The following PLOD3 variants were observed in gnomAD, a reference collection of about 807,000 sequenced individuals.
The protein encoded by PLOD3 is multifunctional procollagen lysine hydroxylase and glycosyltransferase LH3.
A neutral mutation model predicts 96.9 loss-of-function variants in PLOD3; 73 were observed. The observed-to-expected ratio is 0.75, with a 90% CI of 0.62 to 0.92. The LOEUF (loss-of-function observed/expected upper bound fraction) is 0.92, where lower values mean the gene tolerates loss of function less well. PLOD3 is among the 40% of genes least tolerant of loss of function. PLOD3 has a pLI of 0.00. For missense variants in PLOD3, 1,004 were observed against 1,004.3 expected (o/e 1.00, Z 0.00); for synonymous variants, 454 against 413.7 (o/e 1.10, Z -1.18).
rs1317735798 is a variant in PLOD3 at position 101,216,492 on chromosome 7, C to T, written c.256G>A (p.Gly86Arg). Residue 86 changes from glycine to arginine, a missense_variant, in exon 3 of 19, where the codon GGA becomes AGA. Transcript: ENST00000223127. ...TTTAACCACCGGACCTTCTGTCCTC[C>T]ACCAACTGTTCGAGCCACATCACCC... The part of the protein sequence containing the change: ...RGGDVARTVG[G>R]GQKVRWLKKE... The T allele has an allele frequency of 6.2e-7, 1 of 1,614,076 alleles. No homozygotes were observed. Among genetic ancestry groups the T allele is most frequent in the Non-Finnish European group, 8.5e-7 (1 of 1,179,968 alleles).
In PLOD3 at chr7:101,210,690, C is replaced by G; in HGVS notation, c.1359-17G>C. On this transcript the variant is annotated splice_polypyrimidine_tract_variant and intron_variant, in intron 12 of 18. Transcript: ENST00000223127. ...CACACACCCCTGGAGGCACCGACAC[C>G]GCGGTCAGCTGGGAGGACAGCCCCC... is the stretch of plus-strand genomic sequence containing the variant. 6.2e-7 allele frequency: 1 copy of G among 1,613,186 alleles called. No homozygotes were observed. Among genetic ancestry groups the G allele is most frequent in the Non-Finnish European group, 8.5e-7 (1 of 1,179,638 alleles).
intron 12 of PLOD3, 36 bp downstream of exon 12, chr7:101,211,555 G>T: frequency 6.3e-7 from 1 of 1,585,842 alleles, no homozygotes; most frequent in Admixed American, 1.8e-5. Flanking sequence ...GCCCCGGGTC[G>T]GAGGAGGCGG....
rs757612083 is a variant in PLOD3 at position 101,210,608 on chromosome 7, T to G, written c.1424A>C (p.Glu475Ala). 45 of 1,614,068 alleles carry G rather than the reference T, an allele frequency of 2.8e-5. No homozygotes were observed. Among genetic ancestry groups the G allele is most frequent in the Non-Finnish European group, 3.6e-5 (43 of 1,179,974 alleles). The stretch of plus-strand genomic sequence containing the variant: ...CGAGAACACATCCCTCTGGGGCAGC[T>G]CCATCCGCAGGGTATCACCCCGGAT... The part of the protein sequence containing the change: ...YVIRGDTLRM[E>A]LPQRDVFSGS... The change falls in exon 13 of 19, where the codon GAG (glutamate) becomes GCG (alanine). Residue 475 changes from glutamate to alanine, a missense_variant. Around this residue, in one of 5 missense-constraint regions of PLOD3, gnomAD observed 690 missense variants for 650.2 expected, o/e 1.06. Transcript: ENST00000223127.
At position 101,217,404 on chromosome 7, in the gene PLOD3, G is replaced by C. The variant is rs969166681; in HGVS notation, c.-130C>G. The C allele has an allele frequency of 6.5e-6, 6 of 917,926 alleles. No homozygotes were observed. The African/African-American group carries it at 7.0e-5, about 11-fold the overall frequency. The allele number at this position is 917,926 out of a possible 1,614,324, so 56.9% of individuals were successfully genotyped here. ...GTGCGGCCGCCGCGGGGAGCAGCTTGGCTGGGGCTACGCCCTGAAAAAAAG... is the reference window on the plus strand; with the variant it reads ...GTGCGGCCGCCGCGGGGAGCAGCTTCGCTGGGGCTACGCCCTGAAAAAAAG... On this transcript the variant is annotated 5_prime_UTR_variant, in exon 1 of 19. Transcript: ENST00000223127.
At chr7:101,207,302 C>A (rs772297317) in intron 17 of PLOD3, among the ~76,000 whole-genome samples, 1 of 151,834 alleles carries the variant, frequency 6.6e-6, no homozygotes, top group African/African-American at 2.4e-5. Context: ...AGGGAGATGA[C>A]GGTCCCTGTC....
chr7:101,215,811 TCTCTTTGCAACC>T, intron 5 of PLOD3, 85 bp downstream of exon 5: 1 of 853,244 alleles, frequency 1.2e-6, no homozygotes. Flanking sequence ...CACACATTTT[TCTCTTTGCAACC>T]CCCTTTGCTC....
Position 101,216,187 on chromosome 7 carries a change from C to G in PLOD3, c.478G>C (p.Gly160Arg). 1 of 1,614,040 alleles carries G rather than the reference C, an allele frequency of 6.2e-7. No individual in the cohort carries two copies. The highest frequency in any genetic ancestry group is 8.5e-7 in the Non-Finnish European group (1 of 1,180,012). ...CCACCAGAATTGAGGAAGCGCTTCC[C>G]CGTGCCCACCTCAGGGTACTGCTCC... ...LAEQYPEVGT[G>R]KRFLNSGGFI... Residue 160 changes from glycine to arginine, a missense_variant, in exon 4 of 19, where the codon GGG (glycine) becomes CGG (arginine). Coordinates refer to ENST00000223127, the MANE Select transcript of PLOD3 (RefSeq NM_001084.5).
At chr7:101,209,024 G>A (rs1205754872) in intron 15 of PLOD3, 67 bp from the exon 16 acceptor site, 9 of 1,142,846 alleles carry the variant, frequency 7.9e-6, no homozygotes, top group Non-Finnish European at 1.2e-5. Context: ...ACAGGCAGCA[G>A]GCAGAATGGG....
chr7:101,209,093 G>A lies in PLOD3; in HGVS notation c.1684-136C>T, dbSNP rs1165201574. The stretch of plus-strand genomic sequence containing the variant: ...GAGCAGCCGGGGACCCGCCAGGTAG[G>A]GGCTGAGGGAGTGGCAAGGCTGAGG... On this transcript the variant is annotated intron_variant, in intron 15 of 18. Coordinates refer to ENST00000223127, the MANE Select transcript of PLOD3 (RefSeq NM_001084.5). The A allele has an allele frequency of 7.0e-6, 5 of 709,224 alleles. No individual in the cohort carries two copies. The East Asian group carries it at 1.1e-4, about 16-fold the overall frequency. 43.9% of individuals were successfully genotyped at this position (709,224 alleles called of 1,614,324 possible).
chr7:101,206,674 G>T, intron 18 of PLOD3, 105 bp downstream of exon 18: 1 of 1,337,118 alleles, frequency 7.5e-7, no homozygotes, highest in Non-Finnish European at 1.0e-6. Context: ...CAAAGTCACT[G>T]GGAAATGGGC....
chr7:101,208,684 A>C (rs1327573056), intron 16 of PLOD3, 169 bp downstream of exon 16: 17 of 645,338 alleles, frequency 2.6e-5, no homozygotes, highest in Admixed American at 8.3e-5. Context: ...CACTGTGCCC[A>C]GCAGTAAATA....
intron 15 of PLOD3, 37 bp from the exon 16 acceptor site, chr7:101,208,994 G>A (rs751096722): frequency 9.9e-6 from 14 of 1,418,156 alleles, no homozygotes; most frequent in Admixed American, 1.7e-5. Flanking sequence ...GCTAGCTGAC[G>A]CCGCAGAACG....
At position 101,217,187 on chromosome 7, in the gene PLOD3, C is replaced by G. The variant is rs1044576633; in HGVS notation, c.88G>C (p.Gly30Arg). The change falls in exon 1 of 19, where the codon GGC becomes CGC. Residue 30 changes from glycine (G) to arginine (R), a missense_variant. Gly to Arg is a moderately radical substitution (Grantham distance 125, BLOSUM62 -2). This residue lies in a region of PLOD3 where 690 missense variants were observed against 650.2 expected (regional missense o/e 1.06). Transcript: ENST00000223127. ...TCACCTGGGTTGACCGGGTCTCGGC[C>G]CCGGGGCCGGTCGGAGGCTGAGGCC... ...PAASASDRPR[G>R]RDPVNPEKLL... 3.3e-6 allele frequency: 5 copies of G among 1,493,228 alleles called. No individual in the cohort carries two copies. The highest frequency in any genetic ancestry group is 4.5e-6 in the Non-Finnish European group (5 of 1,122,402). 92.5% of individuals were successfully genotyped at this position (1,493,228 alleles called of 1,614,324 possible).
At chr7:101,208,042 C>T (rs75315017) in intron 16 of PLOD3, among the ~76,000 whole-genome samples, 1,693 of 152,254 alleles carry the variant, frequency 0.011, 30 homozygotes, top group East Asian at 0.087. Context: ...GGGCAGAGCT[C>T]GACCGGCATG....
chr7:101,206,634 G>T, intron 18 of PLOD3, 145 bp downstream of exon 18: 3 of 1,082,830 alleles, frequency 2.8e-6, no homozygotes, highest in Admixed American at 2.0e-5. Context: ...GAGGCCGCCT[G>T]CCCAGAAGCG....
Position 101,212,917 on chromosome 7 carries a change from G to A in PLOD3, c.804C>T (p.Tyr268=), listed in dbSNP as rs202155755. 412 of 1,613,430 alleles carry A rather than the reference G, an allele frequency of 2.6e-4. No individual in the cohort carries two copies. The East Asian group carries it at 7.7e-3, about 30-fold the overall frequency. Residue 268 remains tyrosine (Y), a synonymous_variant, in exon 8 of 19, where the codon TAC becomes TAT. Transcript: ENST00000223127. The part of the protein sequence containing the change: ...TKLQLNYLGN[Y]VPNGWTPEGG... ...CCTCAGGAGTCCAGCCATTGGGGAC[G>A]TAGTTTCCCAGGTAGTTGAGCTGCA...
chr7:101,216,328 TGGGTGAGGA>T lies in PLOD3; in HGVS notation c.339-11_339-3del, dbSNP rs1200063840. On this transcript the variant is annotated splice_polypyrimidine_tract_variant and splice_region_variant and intron_variant, in intron 3 of 18. Coordinates refer to ENST00000223127, the MANE Select transcript of PLOD3 (RefSeq NM_001084.5). Reference sequence around the variant, plus strand: ...CTGCCGGCCAGAATCACGTCGTAGCTGGGTGAGGAAGGGGAGGATGGGCAGGGGTCCACT... The same window carrying T: ...CTGCCGGCCAGAATCACGTCGTAGCTAGGGGAGGATGGGCAGGGGTCCACT... 1.9e-6 allele frequency: 3 copies of T among 1,613,358 alleles called. No homozygotes were observed. Among genetic ancestry groups the T allele is most frequent in the Non-Finnish European group, 1.7e-6 (2 of 1,180,038 alleles).
Position 101,211,936 on chromosome 7 carries a change from T to G in PLOD3, c.1142A>C (p.Gln381Pro). The stretch of plus-strand genomic sequence containing the variant: ...GAAGTAGAACTCACACTCGGGGTCC[T>G]GCCGACACAGGTCCCTGGAGGTGAG... ...ARDMAMDLCR[Q>P]DPECEFYFSL... The change falls in exon 11 of 19, where the codon CAG (glutamine) becomes CCG (proline). Residue 381 changes from glutamine to proline, a missense_variant. Physicochemically the swap from Gln to Pro is moderately conservative, Grantham distance 76. Transcript: ENST00000223127. The G allele has an allele frequency of 1.2e-6, 2 of 1,605,628 alleles. No individual in the cohort carries two copies. Among genetic ancestry groups the G allele is most frequent in the Non-Finnish European group, 1.7e-6 (2 of 1,176,444 alleles).
chr7:101,207,790 C>T (rs1798113183), intron 16 of PLOD3, 66 bp from the exon 17 acceptor site: 2 of 1,567,060 alleles, frequency 1.3e-6, no homozygotes, highest in South Asian at 1.1e-5. Flanking sequence ...CAGGGCAGTC[C>T]AGCCTCCTTC....
Sources: gnomAD v4.1 joint callset for allele counts (sites outside exome capture counted in the v4.1 genomes callset) on GRCh38, gnomAD v4.1.1 for gene constraint, gnomAD v4.1.1 regional missense constraint, MANE v1.5 for transcripts, NCBI Gene and HGNC (gene_info 2026-07-23, HGNC 2026-07-21) for gene names.